The following C1orf94 variants were observed in gnomAD, a reference collection of about 807,000 sequenced individuals.
The protein encoded by C1orf94 is chromosome 1 open reading frame 94.
A neutral mutation model predicts 53.6 loss-of-function variants in C1orf94; 45 were observed. The observed-to-expected ratio is 0.84, with a 90% CI of 0.66 to 1.08. The LOEUF (loss-of-function observed/expected upper bound fraction) is 1.08. C1orf94 is among the 50% of genes least tolerant of loss of function. The pLI, the probability that C1orf94 is intolerant of heterozygous loss-of-function variation, is 0.00. For synonymous variants in C1orf94, 304 were observed against 296.1 expected (o/e 1.03, Z -0.27); for missense variants, 762 against 738.9 (o/e 1.03, Z -0.36).
At chr1:34,209,823 G>T (rs1238228519) in intron 5 of C1orf94, among the ~76,000 whole-genome samples, 1 of 152,086 alleles carries the variant, frequency 6.6e-6, no homozygotes. Flanking sequence ...CGTCCACCTG[G>T]CTCCAGAGAG....
In C1orf94 at chr1:34,167,621, TCGGGGGCC is replaced by T. The variant is rs1438288774; in HGVS notation, c.-251+452_-251+459del. On this transcript the variant is annotated intron_variant, in intron 1 of 6. Transcript: ENST00000373374. Reference sequence around the variant, plus strand: ...TGCTTTCACTGAGCGCCTCCTGTGCTCGGGGGCCCTGAGCGAGGCTGTGCTCTGGGCCC... The same window carrying T: ...TGCTTTCACTGAGCGCCTCCTGTGCTCTGAGCGAGGCTGTGCTCTGGGCCC... 1.5e-3 allele frequency among the ~76,000 whole-genome samples: 169 copies of T among 116,478 alleles called. 2 individuals carry two copies. The highest frequency in any genetic ancestry group is 5.0e-3 in the African/African-American group (162 of 32,250). The allele number at this position is 116,478 out of a possible 152,430, so 76.4% of individuals were successfully genotyped here.
chr1:34,194,299 A>G (rs977155091), intron 1 of C1orf94, among the ~76,000 whole-genome samples: 1 of 152,186 alleles, frequency 6.6e-6, no homozygotes, highest in African/African-American at 2.4e-5. Flanking sequence ...ACCTTGACAG[A>G]TGAGGAATAC....
Position 34,208,197 on chromosome 1 carries a change from A to G in C1orf94, c.1487A>G (p.Gln496Arg), listed in dbSNP as rs1486060052. ...PQQAARMPYQQALHPQLGCYS... is the reference protein window; with the variant it reads ...PQQAARMPYQRALHPQLGCYS... ...CAGGCAGCGAGGATGCCCTATCAGCAGGCTTTGCACCCGCAGCTGGGATGT... is the reference window on the plus strand; with the variant it reads ...CAGGCAGCGAGGATGCCCTATCAGCGGGCTTTGCACCCGCAGCTGGGATGT... Residue 496 changes from glutamine to arginine, a missense_variant, in exon 5 of 7, where the codon CAG becomes CGG. Physicochemically the swap from Gln to Arg is conservative, Grantham distance 43. Coordinates refer to ENST00000488417, the MANE Select transcript of C1orf94 (RefSeq NM_001134734.2). 1 of 1,614,126 alleles carries G rather than the reference A, an allele frequency of 6.2e-7. No individual in the cohort carries two copies. The highest frequency in any genetic ancestry group is 8.5e-7 in the Non-Finnish European group (1 of 1,180,004).
chr1:34,179,236 C>T (rs1486526801), intron 1 of C1orf94, among the ~76,000 whole-genome samples: 2 of 152,272 alleles, frequency 1.3e-5, no homozygotes, highest in African/African-American at 4.8e-5. Flanking sequence ...TCCTGCCTCC[C>T]TGCCCTGTGC....
chr1:34,189,300 T>C (rs905074935), intron 1 of C1orf94, among the ~76,000 whole-genome samples: 2 of 152,062 alleles, frequency 1.3e-5, no homozygotes, highest in African/African-American at 4.8e-5. Context: ...GCATAGTGTG[T>C]GTGCATGACT....
At chr1:34,187,676 G>A (rs1251252197) in intron 1 of C1orf94, among the ~76,000 whole-genome samples, 1 of 150,138 alleles carries the variant, frequency 6.7e-6, no homozygotes, top group Non-Finnish European at 1.5e-5. Flanking sequence ...TGAACAATAA[G>A]CATCACTCTG....
chr1:34,188,030 G>A (rs1642415262), intron 1 of C1orf94, among the ~76,000 whole-genome samples: 2 of 152,110 alleles, frequency 1.3e-5, no homozygotes, highest in Non-Finnish European at 2.9e-5. Context: ...AATGGGATGC[G>A]AGATTCTGGG....
At chr1:34,179,224 A>G (rs1642277351) in intron 1 of C1orf94, among the ~76,000 whole-genome samples, 1 of 152,268 alleles carries the variant, frequency 6.6e-6, no homozygotes, top group African/African-American at 2.4e-5. Flanking sequence ...CACTTTGGCT[A>G]GTCCTGCCTC....
chr1:34,211,332 G>C (rs781265721), intron 5 of C1orf94, among the ~76,000 whole-genome samples: 29 of 152,212 alleles, frequency 1.9e-4, no homozygotes, highest in Non-Finnish European at 4.0e-4. Context: ...AGCAGTGACT[G>C]TGTCCCAGGC....
At chr1:34,208,370 A>G in intron 5 of C1orf94, 136 bp downstream of exon 5, 1 of 821,538 alleles carries the variant, frequency 1.2e-6, no homozygotes, top group Non-Finnish European at 1.9e-6. Flanking sequence ...ACAGACTCAC[A>G]TACCGGCATG....
chr1:34,177,699 G>A lies in C1orf94; in HGVS notation c.-91G>A. Reference sequence around the variant, plus strand: ...ACCCACCCCTCCCACACAAATAGAAGGCCTCTGAACCTAACCACCTTGCTG... The same window carrying A: ...ACCCACCCCTCCCACACAAATAGAAAGCCTCTGAACCTAACCACCTTGCTG... On this transcript the variant is annotated 5_prime_UTR_variant, in exon 1 of 7. Coordinates refer to ENST00000488417, the MANE Select transcript of C1orf94 (RefSeq NM_001134734.2). The A allele has an allele frequency of 1.8e-6, 2 of 1,124,990 alleles. No homozygotes were observed. Among genetic ancestry groups the A allele is most frequent in the Non-Finnish European group, 2.5e-6 (2 of 810,806 alleles). The allele number at this position is 1,124,990 out of a possible 1,614,324, so 69.7% of individuals were successfully genotyped here. A position where few individuals can be genotyped will look rare whatever the true frequency, so the allele number is the denominator to read the frequency against.
chr1:34,185,587 G>A (rs1029210019), intron 1 of C1orf94, among the ~76,000 whole-genome samples: 1 of 152,134 alleles, frequency 6.6e-6, no homozygotes, highest in Non-Finnish European at 1.5e-5. Context: ...GCAGACACTG[G>A]CTCTTCCCTC....
At chr1:34,188,842 G>A (rs1642431818) in intron 1 of C1orf94, among the ~76,000 whole-genome samples, 2 of 152,052 alleles carry the variant, frequency 1.3e-5, no homozygotes, top group Non-Finnish European at 2.9e-5. Context: ...GGTACCTTTG[G>A]GACACGGGTT....
chr1:34,189,896 G>T (rs1175507574), intron 1 of C1orf94, among the ~76,000 whole-genome samples: 1 of 152,214 alleles, frequency 6.6e-6, no homozygotes, highest in Non-Finnish European at 1.5e-5. Flanking sequence ...CGTCAGAAAG[G>T]ACAGAGCTGG....
At chr1:34,208,273 G>T (rs761432043) in intron 5 of C1orf94, 39 bp downstream of exon 5, 3 of 1,596,280 alleles carry the variant, frequency 1.9e-6, no homozygotes, top group Non-Finnish European at 2.6e-6. Context: ...CTGGGTCCAT[G>T]AAGGCCTTTG....
chr1:34,210,312 T>C (rs1642868466), intron 5 of C1orf94, among the ~76,000 whole-genome samples: 1 of 152,192 alleles, frequency 6.6e-6, no homozygotes, highest in Non-Finnish European at 1.5e-5. Flanking sequence ...CTCATCACCT[T>C]GGGATTTGGT....
intron 5 of C1orf94, among the ~76,000 whole-genome samples, chr1:34,208,438 C>T (rs542944043): frequency 1.8e-4 from 27 of 152,294 alleles, no homozygotes; most frequent in Admixed American, 7.8e-4. Context: ...TTAATGGAGC[C>T]CTTCCTGTGT....
intron 1 of C1orf94, among the ~76,000 whole-genome samples, chr1:34,194,722 T>G (rs937681032): frequency 6.6e-6 from 1 of 152,216 alleles, no homozygotes; most frequent in Admixed American, 6.5e-5. Flanking sequence ...GTAAATAGTA[T>G]GTATCGCTAA....
In C1orf94 at chr1:34,197,965, C is replaced by T. The variant is rs1642630766; in HGVS notation, c.1009+52C>T. 2 of 1,512,142 alleles carry T rather than the reference C, an allele frequency of 1.3e-6. No homozygotes were observed. Among genetic ancestry groups the T allele is most frequent in the Non-Finnish European group, 1.8e-6 (2 of 1,119,456 alleles). The allele number at this position is 1,512,142 out of a possible 1,614,324, so 93.7% of individuals were successfully genotyped here. On this transcript the variant is annotated intron_variant, in intron 2 of 6. Coordinates refer to ENST00000488417, the MANE Select transcript of C1orf94 (RefSeq NM_001134734.2). This position sits in a 1 kb window ranked among gnomAD's most constrained non-coding sequence, Gnocchi z 4.1. ...GTGGGCCTGCAAGGAGGAGGTCCTT[C>T]CCAGGAAGCCAATCAGGGCTGCAGC...
Sources: allele counts gnomAD v4.1 joint callset (sites outside exome capture counted in the v4.1 genomes callset), GRCh38; gene constraint gnomAD v4.1.1; non-coding constraint Gnocchi (gnomAD v3.1); transcripts MANE v1.5; gene names NCBI Gene and HGNC (gene_info 2026-07-23, HGNC 2026-07-21).